Variants in NR2C2 observed in about 807,000 individuals in gnomAD.
NR2C2 encodes the protein nuclear receptor subfamily 2 group C member 2.
A neutral mutation model predicts 62.9 loss-of-function variants in NR2C2; 6 were observed. That is an observed-to-expected ratio of 0.10 (90% CI 0.05 to 0.19). The LOEUF is 0.19. Among genes scored for constraint, NR2C2 ranks in the 10% least tolerant of loss-of-function variants. The pLI, the probability that NR2C2 is intolerant of heterozygous loss-of-function variation, is 1.00. For missense variants in NR2C2, 479 were observed against 762.7 expected, an observed-to-expected ratio of 0.63 and a Z score of 4.38; for synonymous variants, 272 against 273.8, an observed-to-expected ratio of 0.99 and a Z score of 0.07.
Position 15,036,860 on chromosome 3 carries a change from G to A in NR2C2, c.1373-1140G>A, listed in dbSNP as rs146894152. Reference sequence around the variant, plus strand: ...TAACAGGCTGGGTGTGGTGGCTTACGCCTGTAATCCCAGCACTTTGGGAGG... The same window carrying A: ...TAACAGGCTGGGTGTGGTGGCTTACACCTGTAATCCCAGCACTTTGGGAGG... On this transcript the variant is annotated intron_variant, in intron 11 of 13. Coordinates refer to ENST00000425241, the MANE Select transcript of NR2C2 (RefSeq NM_001291694.2). Among the ~76,000 whole-genome samples, 1,179 of 152,292 alleles carry A rather than the reference G, an allele frequency of 7.7e-3. 9 individuals carry two copies. Among genetic ancestry groups the A allele is most frequent in the Admixed American group, 0.016 (251 of 15,300 alleles).
intron 2 of NR2C2, among the ~76,000 whole-genome samples, chr3:15,004,912 G>C (rs1319891303): frequency 1.3e-5 from 2 of 151,984 alleles, no homozygotes; most frequent in Non-Finnish European, 2.9e-5. Flanking sequence ...TTGGTTGCTT[G>C]CTTTCTTTTT....
intron 13 of NR2C2, among the ~76,000 whole-genome samples, chr3:15,039,660 G>A (rs575824082): frequency 6.6e-6 from 1 of 152,330 alleles, no homozygotes; most frequent in African/African-American, 2.4e-5. Context: ...ATCCATTGAA[G>A]AGGCAGTGCT....
intron 1 of NR2C2, among the ~76,000 whole-genome samples, chr3:14,973,377 A>G (rs1378981554): frequency 6.6e-6 from 1 of 151,752 alleles, no homozygotes. Flanking sequence ...ACAGGTGTAC[A>G]CTACCATGCC....
chr3:14,977,128 C>G (rs1173801308), intron 1 of NR2C2, among the ~76,000 whole-genome samples: 1 of 152,076 alleles, frequency 6.6e-6, no homozygotes, highest in Non-Finnish European at 1.5e-5. Context: ...GTCTCTTGAA[C>G]TAATCCTTTC....
Position 14,947,926 on chromosome 3 carries a change from G to C in NR2C2, c.-40+20G>C, listed in dbSNP as rs529319074. ...CCTGAGGTAAAATTGAAAGAGGGTC[G>C]GGCGGGCTCGGGCCGGCGGCGGAGG... On this transcript the variant is annotated intron_variant, in intron 1 of 13. Transcript: ENST00000425241. 1.1e-4 allele frequency: 17 copies of C among 150,534 alleles called. No individual in the cohort carries two copies. In the East Asian group the frequency reaches 2.6e-3, roughly 23 times the overall value. The allele number at this position is 150,534 out of a possible 1,614,324, so 9.3% of individuals were successfully genotyped here.
At chr3:14,949,049 G>C (rs2039253828) in intron 1 of NR2C2, among the ~76,000 whole-genome samples, 1 of 152,206 alleles carries the variant, frequency 6.6e-6, no homozygotes, top group Non-Finnish European at 1.5e-5. Context: ...TTTGGGGTTT[G>C]AGAGAGCACA....
chr3:14,956,840 G>C (rs1049644478), intron 1 of NR2C2, among the ~76,000 whole-genome samples: 4 of 152,194 alleles, frequency 2.6e-5, no homozygotes, highest in Non-Finnish European at 4.4e-5. Context: ...CGCCCCGGCT[G>C]TGTGTGTGTT....
At chr3:15,039,085 C>T (rs2042182037) in intron 12 of NR2C2, 37 bp from the exon 13 acceptor site, 1 of 1,484,476 alleles carries the variant, frequency 6.7e-7, no homozygotes, top group South Asian at 1.1e-5. Context: ...TTTTCAAATA[C>T]AGAGGGAACT....
chr3:14,947,719 C>T lies in NR2C2; in HGVS notation c.-227C>T, dbSNP rs2039160980. 6.7e-6 allele frequency: 1 copy of T among 148,928 alleles called. No homozygotes were observed. The highest frequency in any genetic ancestry group is 1.5e-5 in the Non-Finnish European group (1 of 66,850). The allele number at this position is 148,928 out of a possible 1,614,324, so 9.2% of individuals were successfully genotyped here. A position where few individuals can be genotyped will look rare whatever the true frequency, so the allele number is the denominator to read the frequency against. ...ACCCCGGCGGCGCCCCCGGGCCCGTCCCCGCCACCCCGCTCCCACCTCGGC... is the reference window on the plus strand; with the variant it reads ...ACCCCGGCGGCGCCCCCGGGCCCGTTCCCGCCACCCCGCTCCCACCTCGGC... On this transcript the variant is annotated 5_prime_UTR_variant, in exon 1 of 14. Transcript: ENST00000425241.
chr3:14,964,765 G>A (rs56209241), intron 1 of NR2C2, among the ~76,000 whole-genome samples: 8,894 of 151,422 alleles, frequency 0.059, 364 homozygotes, highest in Middle Eastern at 0.099. Flanking sequence ...CTCATGATCC[G>A]CCTGCCTTGG....
At chr3:14,959,381 T>C (rs561995409) in intron 1 of NR2C2, among the ~76,000 whole-genome samples, 2 of 152,378 alleles carry the variant, frequency 1.3e-5, no homozygotes, top group South Asian at 4.1e-4. Context: ...TTGTGACTTA[T>C]TTTCAAAAGT....
At chr3:15,007,713 G>A (rs1040284972) in intron 2 of NR2C2, among the ~76,000 whole-genome samples, 1 of 152,146 alleles carries the variant, frequency 6.6e-6, no homozygotes, top group African/African-American at 2.4e-5. Flanking sequence ...TTTTCCTCAG[G>A]AGCGATTTGA....
chr3:14,969,158 A>T (rs953870936), intron 1 of NR2C2, among the ~76,000 whole-genome samples: 2 of 152,122 alleles, frequency 1.3e-5, no homozygotes, highest in African/African-American at 4.8e-5. Context: ...AAAAAAAGAA[A>T]AAAAAATTTC....
chr3:14,964,724 G>C (rs969865881), intron 1 of NR2C2, among the ~76,000 whole-genome samples: 1 of 150,736 alleles, frequency 6.6e-6, no homozygotes, highest in Admixed American at 6.6e-5. Context: ...GGGTTTCACC[G>C]TGTTAGCCAG....
At chr3:14,969,526 C>T (rs1018214837) in intron 1 of NR2C2, among the ~76,000 whole-genome samples, 1 of 152,164 alleles carries the variant, frequency 6.6e-6, no homozygotes, top group Non-Finnish European at 1.5e-5. Flanking sequence ...CAGGCGTGAG[C>T]CACCATGCCC....
chr3:14,998,196 T>C (rs1349591549), intron 1 of NR2C2, among the ~76,000 whole-genome samples: 1 of 152,252 alleles, frequency 6.6e-6, no homozygotes, highest in African/African-American at 2.4e-5. Flanking sequence ...TTGTTTCTAC[T>C]TTTTGCCTGT....
intron 9 of NR2C2, among the ~76,000 whole-genome samples, chr3:15,030,721 AG>A (rs1308815665): frequency 6.6e-6 from 1 of 152,120 alleles, no homozygotes; most frequent in Non-Finnish European, 1.5e-5. Context: ...TCACCTACTC[AG>A]GAGGCTGAGG....
rs1173788324 is a variant in NR2C2 at position 15,042,961 on chromosome 3, A to G, written c.1744A>G (p.Met582Val). ...CAGCATAATCCCCTACATCCTCAAGATGGAGACAGCAGAGTATAATGGCCA... is the reference window on the plus strand; with the variant it reads ...CAGCATAATCCCCTACATCCTCAAGGTGGAGACAGCAGAGTATAATGGCCA... ...IDSIIPYILK[M>V]ETAEYNGQIT... is the part of the protein sequence containing the mutation. The change falls in exon 14 of 14, where the codon ATG (methionine) becomes GTG (valine). Residue 582 changes from methionine to valine, a missense_variant. Transcript: ENST00000425241. 1 of 1,614,206 alleles carries G rather than the reference A, an allele frequency of 6.2e-7. No individual in the cohort carries two copies. The highest frequency in any genetic ancestry group is 8.5e-7 in the Non-Finnish European group (1 of 1,180,042).
chr3:15,044,715 G>C lies in NR2C2; in HGVS notation c.*1707G>C, dbSNP rs1202398732. The C allele has an allele frequency of 1.3e-5, 2 of 152,282 alleles. No homozygotes were observed. The highest frequency in any genetic ancestry group is 4.8e-5 in the African/African-American group (2 of 41,476). The allele number at this position is 152,282 out of a possible 1,614,324, so 9.4% of individuals were successfully genotyped here. The stretch of plus-strand genomic sequence containing the variant: ...CTCACAGGTGCTCTGATCTGGCTCA[G>C]GCTGGCGCCACATGTGCTCCACAGG... On this transcript the variant is annotated 3_prime_UTR_variant, in exon 14 of 14. Transcript: ENST00000425241.
Sources: allele counts gnomAD v4.1 joint callset (sites outside exome capture counted in the v4.1 genomes callset), GRCh38; gene constraint gnomAD v4.1.1; transcripts MANE v1.5; gene names NCBI Gene and HGNC (gene_info 2026-07-23, HGNC 2026-07-21).